The following ZNF469 variants were observed in gnomAD, a reference collection of about 807,000 sequenced individuals.
ZNF469 encodes zinc finger protein 469.
ZNF469 carries 1 observed loss-of-function variant against 1.0 expected under a neutral mutation model. The ratio of observed to expected loss-of-function variants is 1.00; its 90% CI spans 0.35 to 4.73. The LOEUF (loss-of-function observed/expected upper bound fraction) is 4.73. Among genes scored for constraint, ZNF469 ranks in the 30% most tolerant of loss-of-function variants. The pLI, the probability that ZNF469 is intolerant of heterozygous loss-of-function variation, is 0.16. For synonymous variants in ZNF469, 2,703 were observed against 2,363.4 expected (o/e 1.14, Z -4.17); for missense variants, 6,100 against 5,356.3 (o/e 1.14, Z -4.33).
the ZNF469 span, among the ~76,000 whole-genome samples, chr16:88,111,730 G>A: frequency 8.5e-4 from 130 of 152,200 alleles, 2 homozygotes; most frequent in East Asian, 0.022. Context: ...TCCGACTCCC[G>A]GGTTCAAGCG....
chr16:88,117,379 GT>G, the ZNF469 span, among the ~76,000 whole-genome samples: 27 of 152,066 alleles, frequency 1.8e-4, no homozygotes, highest in African/African-American at 5.3e-4. Flanking sequence ...AAAAATAAAA[GT>G]TTTTTTACAA....
chr16:88,240,238 T>C, the ZNF469 span, among the ~76,000 whole-genome samples: 26 of 152,334 alleles, frequency 1.7e-4, no homozygotes, highest in South Asian at 5.2e-3. Flanking sequence ...ACGGGTTTCT[T>C]TCACTTAGCC....
At chr16:88,369,281 C>T in the ZNF469 span, among the ~76,000 whole-genome samples, 1 of 152,216 alleles carries the variant, frequency 6.6e-6, no homozygotes, top group African/African-American at 2.4e-5. Flanking sequence ...CCAGCACATG[C>T]ATCACTGCCC....
the ZNF469 span, among the ~76,000 whole-genome samples, chr16:88,355,915 T>C: frequency 5.9e-5 from 9 of 152,186 alleles, no homozygotes; most frequent in Admixed American, 2.6e-4. Context: ...CTCTGGGGCA[T>C]GCCGTGGGGG....
the ZNF469 span, among the ~76,000 whole-genome samples, chr16:88,345,903 C>A: frequency 6.6e-6 from 1 of 152,164 alleles, no homozygotes; most frequent in African/African-American, 2.4e-5. Context: ...AGGATCTAGA[C>A]CTGCTCCCTC....
chr16:88,259,388 G>A, the ZNF469 span, among the ~76,000 whole-genome samples: 1 of 152,230 alleles, frequency 6.6e-6, no homozygotes, highest in South Asian at 2.1e-4. This position sits in a 1 kb window ranked among gnomAD's most constrained non-coding sequence, Gnocchi z 4.1. Flanking sequence ...AAACAAAACC[G>A]CCGTTGTTTC....
In ZNF469 at chr16:88,432,718, C is replaced by A. The variant is rs1380025206; in HGVS notation, c.5248C>A (p.Pro1750Thr). 1.3e-6 allele frequency: 2 copies of A among 1,550,430 alleles called. No individual in the cohort carries two copies. The highest frequency in any genetic ancestry group is 1.7e-6 in the Non-Finnish European group (2 of 1,146,988). ...CAGCCCCGACCAGGAACTTTCATTT[C>A]CTAAGAATAAGGAGGCCGCCAGCTC... Reference protein sequence around the residue: ...KCSPDQELSFPKNKEAASSQE... With the variant: ...KCSPDQELSFTKNKEAASSQE... The change falls in exon 3 of 3, where the codon CCT (proline) becomes ACT (threonine). Residue 1750 changes from proline (P) to threonine (T), a missense_variant. Physicochemically the swap from Pro to Thr is conservative, Grantham distance 38 (BLOSUM62 -1). Coordinates refer to ENST00000565624, the MANE Select transcript of ZNF469 (RefSeq NM_001367624.2).
chr16:88,177,854 T>A, the ZNF469 span: 1 of 152,184 alleles, frequency 6.6e-6, no homozygotes, highest in Admixed American at 6.5e-5. This position sits in a 1 kb window ranked among gnomAD's most constrained non-coding sequence, Gnocchi z 4.8. Context: ...ACTACAAGCA[T>A]GCACCACCAC....
At chr16:88,395,856 T>G (rs555522814) in intron 1 of ZNF469, among the ~76,000 whole-genome samples, 11 of 152,214 alleles carry the variant, frequency 7.2e-5, no homozygotes, top group Non-Finnish European at 1.3e-4. Flanking sequence ...CTTTCCTGGA[T>G]GGATCAAAGG....
chr16:88,321,185 C>CCTG, the ZNF469 span, among the ~76,000 whole-genome samples: 59 of 152,388 alleles, frequency 3.9e-4, no homozygotes, highest in Admixed American at 3.9e-3. Flanking sequence ...AGGGGAAGGT[C>CCTG]CTGGGGTGCC....
the ZNF469 span, among the ~76,000 whole-genome samples, chr16:88,312,830 G>A: frequency 0.014 from 2,120 of 152,184 alleles, 33 homozygotes; most frequent in African/African-American, 0.048. Flanking sequence ...GCCCCAAACC[G>A]CATTTTACTA....
Position 88,434,925 on chromosome 16 carries a change from G to A in ZNF469, c.7455G>A (p.Pro2485=), listed in dbSNP as rs529386410. 3.7e-5 allele frequency: 58 copies of A among 1,550,210 alleles called. No individual in the cohort carries two copies. Among genetic ancestry groups the A allele is most frequent in the Admixed American group, 2.4e-4 (12 of 51,018 alleles). Residue 2485 remains proline (P), a synonymous_variant, in exon 3 of 3, where the codon CCG becomes CCA. Coordinates refer to ENST00000565624, the MANE Select transcript of ZNF469 (RefSeq NM_001367624.2). ...EVCAASFRSG[P]GLSRHKARKH... is the part of the protein sequence containing the mutation. The stretch of plus-strand genomic sequence containing the variant: ...GCGCAGCCTCCTTCCGCTCCGGGCC[G>A]GGCCTGAGCCGGCACAAGGCCAGGA...
the ZNF469 span, among the ~76,000 whole-genome samples, chr16:88,361,706 T>A: frequency 6.6e-6 from 1 of 152,210 alleles, no homozygotes; most frequent in South Asian, 2.1e-4. Flanking sequence ...TTCTTTTTTT[T>A]TTCGTTGAAA....
At chr16:88,397,123 G>T (rs1904708231) in intron 1 of ZNF469, among the ~76,000 whole-genome samples, 1 of 152,188 alleles carries the variant, frequency 6.6e-6, no homozygotes, top group Non-Finnish European at 1.5e-5. Flanking sequence ...AGACGCTCCT[G>T]CAGGGAGGCT....
At chr16:88,386,130 G>A (rs561605943) in intron 1 of ZNF469, among the ~76,000 whole-genome samples, 7 of 152,118 alleles carry the variant, frequency 4.6e-5, no homozygotes, top group African/African-American at 7.2e-5. Context: ...TCTTCCCAGC[G>A]CCTTCCCCAT....
At chr16:88,258,420 A>AC in the ZNF469 span, among the ~76,000 whole-genome samples, 5 of 34,284 alleles carry the variant, frequency 1.5e-4, no homozygotes, top group Middle Eastern at 0.014. Context: ...TCACCCCCCC[A>AC]CCCCCCCAGC....
chr16:88,210,808 C>A, the ZNF469 span, among the ~76,000 whole-genome samples: 1 of 152,204 alleles, frequency 6.6e-6, no homozygotes, highest in Non-Finnish European at 1.5e-5. Context: ...ACACTTTTTT[C>A]TCTCTAGAAG....
chr16:88,240,634 G>A, the ZNF469 span, among the ~76,000 whole-genome samples: 1 of 152,246 alleles, frequency 6.6e-6, no homozygotes, highest in East Asian at 1.9e-4. Flanking sequence ...TAAGATGCAA[G>A]GCTGGAGAGT....
chr16:88,347,716 T>C, the ZNF469 span, among the ~76,000 whole-genome samples: 21 of 152,198 alleles, frequency 1.4e-4, no homozygotes, highest in African/African-American at 5.1e-4. Flanking sequence ...ACCTCACCCC[T>C]GCCTCTGGTC....
Sources: gnomAD v4.1 joint callset for allele counts (sites outside exome capture counted in the v4.1 genomes callset) on GRCh38, gnomAD v4.1.1 for gene constraint, Gnocchi (gnomAD v3.1) non-coding constraint, MANE v1.5 for transcripts, NCBI Gene and HGNC (gene_info 2026-07-23, HGNC 2026-07-21) for gene names.